The following EPS15 variants were observed in gnomAD, a reference collection of about 807,000 sequenced individuals.
The protein encoded by EPS15 is epidermal growth factor receptor substrate 15.
A neutral mutation model predicts 113.8 loss-of-function variants in EPS15; 72 were observed. The observed-to-expected ratio is 0.63, with a 90% confidence interval of 0.52 to 0.77. The LOEUF (loss-of-function observed/expected upper bound fraction) is 0.77, where lower values mean the gene tolerates loss of function less well. Among genes scored for constraint, EPS15 ranks in the 30% least tolerant of loss-of-function variants. The pLI is 0.00. For synonymous variants in EPS15, 344 were observed against 363.4 expected (o/e 0.95, Z 0.61); for missense variants, 1,048 against 1,045.8 (o/e 1.00, Z -0.03).
At chr1:51,371,226 T>C (rs750545308) in intron 21 of EPS15, among the ~76,000 whole-genome samples, 31 of 152,302 alleles carry the variant, frequency 2.0e-4, no homozygotes, top group Non-Finnish European at 4.1e-4. Flanking sequence ...ATCGTTATTT[T>C]AGTGTTCACC....
chr1:51,506,850 C>T (rs1209761654), intron 1 of EPS15, among the ~76,000 whole-genome samples: 2 of 148,948 alleles, frequency 1.3e-5, no homozygotes, highest in African/African-American at 2.5e-5. Flanking sequence ...AGAGAACAAA[C>T]TAAGAATGAA....
chr1:51,378,752 T>C (rs1386616203), intron 21 of EPS15, among the ~76,000 whole-genome samples: 1 of 152,206 alleles, frequency 6.6e-6, no homozygotes, highest in South Asian at 2.1e-4. Context: ...ATTTGCCAAC[T>C]TCCTGAAGAC....
intron 12 of EPS15, among the ~76,000 whole-genome samples, chr1:51,431,351 T>C (rs1372872566): frequency 6.6e-6 from 1 of 151,894 alleles, no homozygotes; most frequent in Non-Finnish European, 1.5e-5. Flanking sequence ...TCAGAAAAAA[T>C]ACAAACTTTG....
chr1:51,468,264 G>C (rs1422437469), intron 5 of EPS15, among the ~76,000 whole-genome samples: 1 of 151,976 alleles, frequency 6.6e-6, no homozygotes, highest in Non-Finnish European at 1.5e-5. Flanking sequence ...CCAGCCTATA[G>C]TTTCTCACAT....
At chr1:51,516,710 T>C (rs764882006) in intron 1 of EPS15, among the ~76,000 whole-genome samples, 1 of 152,198 alleles carries the variant, frequency 6.6e-6, no homozygotes, top group Non-Finnish European at 1.5e-5. Flanking sequence ...CAATGTCTAG[T>C]ACATAATAGG....
chr1:51,389,204 C>A (rs541245932), intron 21 of EPS15, among the ~76,000 whole-genome samples: 4,555 of 152,136 alleles, frequency 0.03, 72 homozygotes, highest in African/African-American at 0.05. Flanking sequence ...ATAAACAGAA[C>A]CAAAGACAAA....
intron 12 of EPS15, chr1:51,423,260 C>A (rs1218359337): frequency 1.6e-6 from 2 of 1,288,712 alleles, no homozygotes. Context: ...TTTAAACAGT[C>A]CCTTACCATG....
intron 21 of EPS15, among the ~76,000 whole-genome samples, chr1:51,377,021 T>C (rs1646816497): frequency 6.6e-6 from 1 of 151,598 alleles, no homozygotes. Flanking sequence ...ATCCCAGCAC[T>C]TTGGGAGGCT....
intron 21 of EPS15, among the ~76,000 whole-genome samples, chr1:51,379,164 G>A (rs964469909): frequency 1.3e-5 from 2 of 152,182 alleles, no homozygotes; most frequent in South Asian, 2.1e-4. Context: ...CTGTCACCCA[G>A]TCTGGAGTGC....
chr1:51,457,073 C>A (rs1231540754), intron 8 of EPS15, among the ~76,000 whole-genome samples: 1 of 152,036 alleles, frequency 6.6e-6, no homozygotes, highest in South Asian at 2.1e-4. Flanking sequence ...ATCACGAGGT[C>A]AGGAGATCAA....
At chr1:51,510,815 T>C (rs1406544311) in intron 1 of EPS15, among the ~76,000 whole-genome samples, 1 of 152,144 alleles carries the variant, frequency 6.6e-6, no homozygotes, top group East Asian at 1.9e-4. Flanking sequence ...GATAAACTCT[T>C]TCCCCTGTCC....
At chr1:51,489,347 C>T (rs1426789282) in intron 1 of EPS15, among the ~76,000 whole-genome samples, 6 of 141,484 alleles carry the variant, frequency 4.2e-5, no homozygotes, top group East Asian at 4.1e-4. Context: ...TTGGAGATGG[C>T]GTCTCCCTCC....
rs759516597 is a variant in EPS15 at position 51,463,664 on chromosome 1, A to G, written c.501+9T>C. On this transcript the variant is annotated intron_variant, in intron 7 of 24. Transcript: ENST00000371733. Reference sequence around the variant, plus strand: ...TAAAAATTACATTTCGGAGTAAATAATATCTTACTCTTCCAAGGATATCCA... The same window carrying G: ...TAAAAATTACATTTCGGAGTAAATAGTATCTTACTCTTCCAAGGATATCCA... 6.5e-7 allele frequency: 1 copy of G among 1,549,900 alleles called. No individual in the cohort carries two copies. The highest frequency in any genetic ancestry group is 8.9e-7 in the Non-Finnish European group (1 of 1,129,232).
rs796833744 is a variant in EPS15 at position 51,387,246 on chromosome 1, A to G, written c.2119+7135T>C. ...GCTTCATAAGTGAAGGAGAAATAAAATACTTTACAGACAAGCAAATGCTGA... is the reference window on the plus strand; with the variant it reads ...GCTTCATAAGTGAAGGAGAAATAAAGTACTTTACAGACAAGCAAATGCTGA... On this transcript the variant is annotated intron_variant, in intron 21 of 24. Transcript: ENST00000371733. Among the ~76,000 whole-genome samples, 17 of 152,272 alleles carry G rather than the reference A, an allele frequency of 1.1e-4. No homozygotes were observed. In the East Asian group the frequency reaches 1.7e-3, roughly 16 times the overall value.
At chr1:51,426,188 A>G (rs1651183032) in intron 12 of EPS15, among the ~76,000 whole-genome samples, 1 of 151,772 alleles carries the variant, frequency 6.6e-6, no homozygotes, top group Non-Finnish European at 1.5e-5. Flanking sequence ...AGGGTTCAGC[A>G]GTCCTTTTAG....
At chr1:51,454,877 T>G (rs1653860307) in intron 8 of EPS15, among the ~76,000 whole-genome samples, 1 of 151,966 alleles carries the variant, frequency 6.6e-6, no homozygotes, top group Non-Finnish European at 1.5e-5. Flanking sequence ...TGGAAAACTG[T>G]GCTCTCTGCA....
intron 10 of EPS15, 58 bp from the exon 11 acceptor site, chr1:51,445,103 G>A (rs901643062): frequency 2.0e-6 from 3 of 1,480,830 alleles, no homozygotes; most frequent in Admixed American, 2.0e-5. Context: ...AAAGTCCAGA[G>A]AAAAAGTACC....
chr1:51,371,219 G>A (rs750263645), intron 21 of EPS15, among the ~76,000 whole-genome samples: 22 of 152,102 alleles, frequency 1.4e-4, no homozygotes, highest in Non-Finnish European at 2.8e-4. Context: ...CTGGCCAATC[G>A]TTATTTTAGT....
chr1:51,512,513 A>T (rs553416840), intron 1 of EPS15, among the ~76,000 whole-genome samples: 27 of 152,320 alleles, frequency 1.8e-4, no homozygotes, highest in Admixed American at 1.0e-3. Flanking sequence ...AGAGAAAAAA[A>T]TTTTGCAAAG....
Sources: gnomAD v4.1 joint callset for allele counts (sites outside exome capture counted in the v4.1 genomes callset) on GRCh38, gnomAD v4.1.1 for gene constraint, MANE v1.5 for transcripts, NCBI Gene and HGNC (gene_info 2026-07-23, HGNC 2026-07-21) for gene names.